The following MYO3B variants were observed in gnomAD, a reference collection of about 807,000 sequenced individuals.
MYO3B encodes the protein myosin IIIB.
MYO3B carries 156 observed loss-of-function variants against 174.6 expected under a neutral mutation model. That is an observed-to-expected ratio of 0.89 (90% confidence interval 0.78 to 1.02). The LOEUF (loss-of-function observed/expected upper bound fraction) is 1.02, where lower values mean the gene tolerates loss of function less well. MYO3B is among the 50% of genes least tolerant of loss of function. MYO3B has a pLI of 0.00. For missense variants in MYO3B, 1,632 were observed against 1,639.4 expected, an observed-to-expected ratio of 1.00 and a Z score of 0.08; for synonymous variants, 563 against 569.1, an observed-to-expected ratio of 0.99 and a Z score of 0.15.
intron 23 of MYO3B, among the ~76,000 whole-genome samples, chr2:170,446,815 A>G (rs998346352): frequency 6.6e-6 from 1 of 152,250 alleles, no homozygotes; most frequent in African/African-American, 2.4e-5. Context: ...AATTTATTTA[A>G]TATAAGTTTT....
At chr2:170,519,816 T>C in intron 30 of MYO3B, 1 of 297,532 alleles carries the variant, frequency 3.4e-6, no homozygotes, top group Non-Finnish European at 6.5e-6. Context: ...CTACTAAAAA[T>C]ACAAAAATGA....
In MYO3B at chr2:170,402,811, C is replaced by A. The variant is rs750556599; in HGVS notation, c.2130-37C>A. 1.0e-5 allele frequency: 16 copies of A among 1,548,736 alleles called. No individual in the cohort carries two copies. In the Admixed American group the frequency reaches 2.6e-4, roughly 25 times the overall value. On this transcript the variant is annotated intron_variant, in intron 18 of 34. Coordinates refer to ENST00000408978, the MANE Select transcript of MYO3B (RefSeq NM_138995.5). ...TCTCATCCTCTTTAGGTGGGTGTTT[C>A]CTCCCCTAAAGAGTTTTGTTCTTCT...
intron 32 of MYO3B, among the ~76,000 whole-genome samples, chr2:170,627,308 C>CCAT: frequency 6.6e-6 from 1 of 152,200 alleles, no homozygotes; most frequent in African/African-American, 2.4e-5. Context: ...ATTTGATCTT[C>CCAT]CATCATTGAT....
At chr2:170,210,578 T>A (rs7572097) in intron 3 of MYO3B, among the ~76,000 whole-genome samples, 140,754 of 152,272 alleles carry the variant, frequency 0.92, 65,082 homozygotes, top group East Asian at 1. Flanking sequence ...GGTTAATTCC[T>A]TATGTCCCCA....
At chr2:170,218,419 T>C (rs1374099315) in intron 6 of MYO3B, among the ~76,000 whole-genome samples, 1 of 151,778 alleles carries the variant, frequency 6.6e-6, no homozygotes, top group African/African-American at 2.4e-5. Context: ...GAAAAAAATG[T>C]ATTATGAAAA....
At chr2:170,279,420 A>T (rs948353663) in intron 7 of MYO3B, among the ~76,000 whole-genome samples, 1 of 151,734 alleles carries the variant, frequency 6.6e-6, no homozygotes, top group African/African-American at 2.4e-5. Flanking sequence ...ACCCCTTGGT[A>T]TGTCTTTTTT....
At position 170,471,037 on chromosome 2, in the gene MYO3B, A is replaced by G. The variant is rs554724602; in HGVS notation, c.3014+4326A>G. On this transcript the variant is annotated intron_variant, in intron 25 of 34. Coordinates refer to ENST00000408978, the MANE Select transcript of MYO3B (RefSeq NM_138995.5). Reference sequence around the variant, plus strand: ...GGTCACTTTGATATTTTCTCACTCTATGGGTTGTTTTCTCTTTTTTTTTTC... The same window carrying G: ...GGTCACTTTGATATTTTCTCACTCTGTGGGTTGTTTTCTCTTTTTTTTTTC... Among the ~76,000 whole-genome samples, 10 of 141,598 alleles carry G rather than the reference A, an allele frequency of 7.1e-5. No individual in the cohort carries two copies. In the East Asian group the frequency reaches 1.7e-3, roughly 24 times the overall value. The allele number at this position is 141,598 out of a possible 152,430, so 92.9% of individuals were successfully genotyped here.
intron 7 of MYO3B, among the ~76,000 whole-genome samples, chr2:170,246,067 A>T (rs2093185947): frequency 6.6e-6 from 1 of 152,234 alleles, no homozygotes; most frequent in Non-Finnish European, 1.5e-5. Flanking sequence ...TTGGGATAAC[A>T]TGCATATTAT....
At chr2:170,537,448 A>ATTTTTTTTTTTTTTTTTTTTTT (rs559086883) in intron 30 of MYO3B, among the ~76,000 whole-genome samples, 3 of 54,824 alleles carry the variant, frequency 5.5e-5, no homozygotes, top group African/African-American at 8.1e-5. Flanking sequence ...GAGCTCTTTG[A>ATTTTTTTTTTTTTTTTTTTTTT]TTTTTTTTTT....
intron 7 of MYO3B, among the ~76,000 whole-genome samples, chr2:170,254,321 CA>C (rs972452327): frequency 5.9e-5 from 9 of 152,158 alleles, no homozygotes; most frequent in African/African-American, 2.2e-4. Context: ...GCAGCTGCAG[CA>C]AAACACCGTA....
At chr2:170,517,831 G>A (rs1175806032) in intron 29 of MYO3B, among the ~76,000 whole-genome samples, 7 of 151,982 alleles carry the variant, frequency 4.6e-5, no homozygotes, top group Admixed American at 1.3e-4. Context: ...GGGAAAACCT[G>A]CCTGGTGCTC....
At chr2:170,259,999 A>C (rs988450323) in intron 7 of MYO3B, among the ~76,000 whole-genome samples, 1 of 152,196 alleles carries the variant, frequency 6.6e-6, no homozygotes, top group Non-Finnish European at 1.5e-5. Context: ...CATCAGACAA[A>C]TGCAAATCAA....
chr2:170,322,189 A>G (rs1479007479), intron 7 of MYO3B, among the ~76,000 whole-genome samples: 2 of 151,540 alleles, frequency 1.3e-5, no homozygotes. Flanking sequence ...CTCCCACCCC[A>G]GGAAGTGACA....
intron 22 of MYO3B, among the ~76,000 whole-genome samples, chr2:170,435,677 A>G (rs2105894545): frequency 6.6e-6 from 1 of 152,282 alleles, no homozygotes; most frequent in East Asian, 1.9e-4. Flanking sequence ...TAGCTATTTG[A>G]CACAAACAGC....
chr2:170,272,380 T>C (rs973917531), intron 7 of MYO3B, among the ~76,000 whole-genome samples: 7 of 152,090 alleles, frequency 4.6e-5, no homozygotes, highest in Non-Finnish European at 1.0e-4. Context: ...ACTGGAGCAG[T>C]CCCCAGCTGG....
At chr2:170,620,554 A>C (rs1266520966) in intron 32 of MYO3B, among the ~76,000 whole-genome samples, 1 of 152,250 alleles carries the variant, frequency 6.6e-6, no homozygotes, top group Non-Finnish European at 1.5e-5. Flanking sequence ...AACTAGCAGA[A>C]GGCATGAGAT....
intron 25 of MYO3B, among the ~76,000 whole-genome samples, chr2:170,472,805 G>C (rs1198039319): frequency 6.6e-6 from 1 of 151,626 alleles, no homozygotes; most frequent in East Asian, 1.9e-4. Flanking sequence ...GGGTTCAAGC[G>C]ACCCTCCCAC....
chr2:170,481,050 C>T (rs911138750), intron 25 of MYO3B, among the ~76,000 whole-genome samples: 7 of 152,202 alleles, frequency 4.6e-5, no homozygotes, highest in Admixed American at 3.3e-4. Flanking sequence ...ATCAGCAGCA[C>T]AGAAGAACCC....
intron 30 of MYO3B, among the ~76,000 whole-genome samples, chr2:170,542,543 G>A (rs1690184308): frequency 6.6e-6 from 1 of 152,328 alleles, no homozygotes; most frequent in Non-Finnish European, 1.5e-5. Context: ...AACTGTGAAT[G>A]TGATTCATGT....
Sources: gnomAD v4.1 joint callset for allele counts (sites outside exome capture counted in the v4.1 genomes callset) on GRCh38, gnomAD v4.1.1 for gene constraint, MANE v1.5 for transcripts, NCBI Gene and HGNC (gene_info 2026-07-23, HGNC 2026-07-21) for gene names.